The following C12orf42 variants were observed in gnomAD, a reference collection of about 807,000 sequenced individuals.
C12orf42 encodes the protein chromosome 12 open reading frame 42.
A neutral mutation model predicts 21.6 loss-of-function variants in C12orf42; 25 were observed. The ratio of observed to expected loss-of-function variants is 1.16; its 90% CI spans 0.84 to 1.62. C12orf42 has a LOEUF of 1.62. C12orf42 is among the 40% of genes most tolerant of loss of function. The pLI is 0.00. For synonymous variants in C12orf42, 174 were observed against 175.0 expected, an observed-to-expected ratio of 0.99 and a Z score of 0.05; for missense variants, 483 against 459.3, an observed-to-expected ratio of 1.05 and a Z score of -0.47.
chr12:103,234,326 T>C (rs907461740), downstream of C12orf42, among the ~76,000 whole-genome samples: 1 of 152,244 alleles, frequency 6.6e-6, no homozygotes, highest in Non-Finnish European at 1.5e-5. Context: ...ATCAATTTTA[T>C]TCTTCTCATT....
At chr12:103,127,262 T>A in the C12orf42 span, among the ~76,000 whole-genome samples, 6 of 152,232 alleles carry the variant, frequency 3.9e-5, no homozygotes, top group African/African-American at 1.4e-4. Context: ...GTGTTTCTTA[T>A]ACTTTGAAAA....
At chr12:103,418,665 C>A (rs2049586880) in intron 2 of C12orf42, among the ~76,000 whole-genome samples, 1 of 151,942 alleles carries the variant, frequency 6.6e-6, no homozygotes, top group Non-Finnish European at 1.5e-5. Flanking sequence ...TTGAAAATAA[C>A]AAGCCCCAGA....
chr12:103,256,815 T>A (rs2034639886), intron 10 of C12orf42, among the ~76,000 whole-genome samples: 1 of 152,074 alleles, frequency 6.6e-6, no homozygotes, highest in African/African-American at 2.4e-5. Context: ...AACCAAGAAA[T>A]ATCAAGAAAC....
chr12:103,141,295 T>A, the C12orf42 span, among the ~76,000 whole-genome samples: 8 of 152,184 alleles, frequency 5.3e-5, no homozygotes, highest in Admixed American at 3.9e-4. Context: ...GAAAGAAAGA[T>A]AAGAAAATCT....
the C12orf42 span, among the ~76,000 whole-genome samples, chr12:103,199,468 G>A: frequency 6.6e-6 from 1 of 152,134 alleles, no homozygotes; most frequent in African/African-American, 2.4e-5. Flanking sequence ...AATTAGATAA[G>A]TCAACCTAAA....
chr12:103,070,515 TAC>T, the C12orf42 span, among the ~76,000 whole-genome samples: 46,844 of 119,672 alleles, frequency 0.39, 7,756 homozygotes, highest in East Asian at 0.76. Context: ...TACATACACA[TAC>T]ACACACACAC....
At chr12:103,398,492 T>C (rs1274237316) in intron 3 of C12orf42, among the ~76,000 whole-genome samples, 1 of 152,162 alleles carries the variant, frequency 6.6e-6, no homozygotes, top group Non-Finnish European at 1.5e-5. Flanking sequence ...TTTTAAAGCT[T>C]GGTAAAGGAA....
intron 4 of C12orf42, among the ~76,000 whole-genome samples, chr12:103,333,302 T>C (rs1469600889): frequency 6.6e-6 from 1 of 152,192 alleles, no homozygotes; most frequent in East Asian, 1.9e-4. Flanking sequence ...AATGTCCACA[T>C]GTGTGGTTGT....
chr12:103,291,488 T>G (rs2036819588), intron 4 of C12orf42, among the ~76,000 whole-genome samples: 2 of 152,160 alleles, frequency 1.3e-5, no homozygotes, highest in South Asian at 4.1e-4. Context: ...GGAAAATGAC[T>G]GCTCCACAGA....
At position 103,339,267 on chromosome 12, in the gene C12orf42, G is replaced by A. The variant is rs116034852; in HGVS notation, c.259+29620C>T. On this transcript the variant is annotated intron_variant, in intron 4 of 5. Coordinates refer to ENST00000548883, the MANE Select transcript of C12orf42 (RefSeq NM_198521.5). ...AGATTTGTTATGTAAGTAAACTTGC[G>A]TCATGGAGATGTGTTGTACAGGTTA... Among the ~76,000 whole-genome samples, 712 of 152,216 alleles carry A rather than the reference G, an allele frequency of 4.7e-3. 2 individuals are homozygous for A. Among genetic ancestry groups the A allele is most frequent in the African/African-American group, 0.016 (655 of 41,534 alleles).
chr12:103,202,882 AGG>A, the C12orf42 span, among the ~76,000 whole-genome samples: 2 of 152,208 alleles, frequency 1.3e-5, no homozygotes, highest in Non-Finnish European at 2.9e-5. Context: ...TGGACTAATC[AGG>A]TACACCTGTA....
the C12orf42 span, chr12:103,164,576 C>T: frequency 2.4e-6 from 1 of 419,256 alleles, no homozygotes; most frequent in Non-Finnish European, 4.8e-6. Context: ...GTATAAAAGA[C>T]ATTGTCCTGA....
chr12:103,255,763 A>C (rs924387714), intron 10 of C12orf42, among the ~76,000 whole-genome samples: 5 of 151,366 alleles, frequency 3.3e-5, no homozygotes, highest in Non-Finnish European at 7.4e-5. Context: ...TATTATAAAG[A>C]ATATATGGCC....
At chr12:103,281,539 G>A (rs1293782536) in intron 4 of C12orf42, among the ~76,000 whole-genome samples, 4 of 152,094 alleles carry the variant, frequency 2.6e-5, no homozygotes, top group Non-Finnish European at 5.9e-5. Context: ...TGTATTTTTA[G>A]TAGAGACGGG....
chr12:103,391,857 C>T (rs925830885), intron 3 of C12orf42, among the ~76,000 whole-genome samples: 1 of 152,014 alleles, frequency 6.6e-6, no homozygotes, highest in African/African-American at 2.4e-5. Context: ...TCTATATTTT[C>T]TTTTTTTACC....
chr12:103,184,512 G>A, the C12orf42 span, among the ~76,000 whole-genome samples: 2 of 152,110 alleles, frequency 1.3e-5, no homozygotes, highest in African/African-American at 4.8e-5. Flanking sequence ...TTGGGGATAA[G>A]GATATCAGAG....
chr12:103,378,534 G>A (rs1433085688), intron 3 of C12orf42, among the ~76,000 whole-genome samples: 1 of 152,162 alleles, frequency 6.6e-6, no homozygotes, highest in Non-Finnish European at 1.5e-5. Flanking sequence ...GCAGGTACCT[G>A]GACCTCAGAC....
At chr12:103,199,523 G>A in the C12orf42 span, among the ~76,000 whole-genome samples, 60 of 152,204 alleles carry the variant, frequency 3.9e-4, no homozygotes, top group African/African-American at 1.4e-3. Context: ...ATGAGAAGGC[G>A]ACTGACAGAA....
At chr12:103,168,952 T>C in the C12orf42 span, among the ~76,000 whole-genome samples, 1 of 151,448 alleles carries the variant, frequency 6.6e-6, no homozygotes, top group African/African-American at 2.4e-5. Context: ...TAAGTGGGAG[T>C]TGAACAATGA....
Sources: gnomAD v4.1 joint callset for allele counts (sites outside exome capture counted in the v4.1 genomes callset) on GRCh38, gnomAD v4.1.1 for gene constraint, MANE v1.5 for transcripts, NCBI Gene and HGNC (gene_info 2026-07-23, HGNC 2026-07-21) for gene names.